The following CCDC102B variants were observed in gnomAD, a reference collection of about 807,000 sequenced individuals.
CCDC102B encodes the protein coiled-coil domain containing 102B, also known as coiled-coil domain-containing protein 102B.
CCDC102B carries 75 observed loss-of-function variants against 57.4 expected under a neutral mutation model. The ratio of observed to expected loss-of-function variants is 1.31; its 90% CI spans 1.08 to 1.58. The LOEUF (loss-of-function observed/expected upper bound fraction) is 1.58. Among genes scored for constraint, CCDC102B ranks in the 40% most tolerant of loss-of-function variants. The probability of loss-of-function intolerance (pLI) is 0.00; values close to 1 mark genes in which losing one functional copy is unlikely to be tolerated. For missense variants in CCDC102B, 636 were observed against 582.6 expected, an observed-to-expected ratio of 1.09 and a Z score of -0.94; for synonymous variants, 206 against 201.9, an observed-to-expected ratio of 1.02 and a Z score of -0.17.
intron 6 of CCDC102B, among the ~76,000 whole-genome samples, chr18:68,995,562 G>T (rs888270116): frequency 6.6e-6 from 1 of 152,124 alleles, no homozygotes; most frequent in African/African-American, 2.4e-5. Flanking sequence ...AGACTTGTCA[G>T]CTTCCACATG....
At chr18:68,961,873 C>T (rs927835338) in intron 6 of CCDC102B, among the ~76,000 whole-genome samples, 1 of 151,926 alleles carries the variant, frequency 6.6e-6, no homozygotes, top group Non-Finnish European at 1.5e-5. Context: ...AATCTACCTG[C>T]TTTTATATAT....
chr18:69,054,626 C>G lies in CCDC102B; in HGVS notation c.*489C>G, dbSNP rs2052784997. 1 of 979,656 alleles carries G rather than the reference C, an allele frequency of 1.0e-6. No individual in the cohort carries two copies. Among genetic ancestry groups the G allele is most frequent in the Non-Finnish European group, 1.2e-6 (1 of 824,918 alleles). 60.7% of individuals were successfully genotyped at this position (979,656 alleles called of 1,614,324 possible). On this transcript the variant is annotated 3_prime_UTR_variant, in exon 8 of 8. Coordinates refer to ENST00000360242, the MANE Select transcript of CCDC102B (RefSeq NM_024781.3). ...GAATCATTCTAGAGGTGTAACAATACATTTCTTATATAATTTTATAAGTCA... is the reference window on the plus strand; with the variant it reads ...GAATCATTCTAGAGGTGTAACAATAGATTTCTTATATAATTTTATAAGTCA...
chr18:68,846,234 C>G (rs1954878), intron 3 of CCDC102B, 79 bp from the exon 4 acceptor site: 768,993 of 780,338 alleles, frequency 0.99, 379,750 homozygotes, highest in East Asian at 1. Context: ...TAGGAAAATG[C>G]CTATAAAATT....
At chr18:69,052,011 A>G (rs186918686) in intron 7 of CCDC102B, among the ~76,000 whole-genome samples, 6 of 150,796 alleles carry the variant, frequency 4.0e-5, no homozygotes, top group African/African-American at 1.4e-4. Flanking sequence ...TATATTTCAT[A>G]ATTTAATAAA....
chr18:69,027,987 A>G (rs575466309), intron 7 of CCDC102B, among the ~76,000 whole-genome samples: 1 of 152,290 alleles, frequency 6.6e-6, no homozygotes, highest in African/African-American at 2.4e-5. Flanking sequence ...GTATAATAGT[A>G]ATAGAATAAT....
intron 2 of CCDC102B, among the ~76,000 whole-genome samples, chr18:68,771,545 G>A (rs1294538567): frequency 6.6e-6 from 1 of 152,098 alleles, no homozygotes; most frequent in Non-Finnish European, 1.5e-5. Flanking sequence ...TGCTCTCTGG[G>A]GTTTAGGTAA....
At chr18:69,037,921 A>C (rs538640658) in intron 7 of CCDC102B, among the ~76,000 whole-genome samples, 1 of 152,138 alleles carries the variant, frequency 6.6e-6, no homozygotes, top group Admixed American at 6.6e-5. Flanking sequence ...GAGAGATTGT[A>C]AAAGCCTTGA....
intron 7 of CCDC102B, among the ~76,000 whole-genome samples, chr18:69,034,447 A>G (rs1192540320): frequency 6.6e-6 from 1 of 151,974 alleles, no homozygotes; most frequent in African/African-American, 2.4e-5. Context: ...ATTCCAGAAC[A>G]ATTTGTTAAA....
intron 6 of CCDC102B, among the ~76,000 whole-genome samples, chr18:68,947,358 C>T (rs945286777): frequency 6.6e-6 from 1 of 151,992 alleles, no homozygotes; most frequent in Admixed American, 6.6e-5. Context: ...CTTATATTTG[C>T]AATATTCCCA....
chr18:68,911,706 C>G (rs550367015), intron 6 of CCDC102B, among the ~76,000 whole-genome samples: 58 of 121,284 alleles, frequency 4.8e-4, no homozygotes, highest in East Asian at 7.5e-4. Context: ...GAGCCGAGAT[C>G]GCGCCACTGC....
intron 6 of CCDC102B, among the ~76,000 whole-genome samples, chr18:68,903,913 C>G (rs1186330559): frequency 6.6e-6 from 1 of 152,170 alleles, no homozygotes; most frequent in Non-Finnish European, 1.5e-5. Flanking sequence ...GCATTAATGA[C>G]AGTAGTCAAT....
chr18:68,959,923 T>C (rs2050003088), intron 6 of CCDC102B, among the ~76,000 whole-genome samples: 1 of 152,020 alleles, frequency 6.6e-6, no homozygotes, highest in African/African-American at 2.4e-5. Context: ...GGTTCAGCAA[T>C]GCTGTCCAGG....
At chr18:68,832,306 G>A (rs935023472) in intron 1 of CCDC102B, among the ~76,000 whole-genome samples, 3 of 152,096 alleles carry the variant, frequency 2.0e-5, no homozygotes, top group Non-Finnish European at 4.4e-5. Flanking sequence ...ACTTTCCTAA[G>A]TACAGAGGGA....
At chr18:68,980,563 C>G (rs1445519427) in intron 6 of CCDC102B, among the ~76,000 whole-genome samples, 1 of 151,778 alleles carries the variant, frequency 6.6e-6, no homozygotes, top group East Asian at 1.9e-4. Flanking sequence ...ACAGAGGCAG[C>G]CTTGAGGGCA....
intron 7 of CCDC102B, among the ~76,000 whole-genome samples, chr18:69,044,964 T>C (rs1380152157): frequency 6.6e-6 from 1 of 152,118 alleles, no homozygotes; most frequent in Non-Finnish European, 1.5e-5. Context: ...GCCCCTTTTC[T>C]TGGTTTGCAG....
intron 3 of CCDC102B, among the ~76,000 whole-genome samples, chr18:68,845,455 G>A (rs1403421356): frequency 6.6e-6 from 1 of 151,660 alleles, no homozygotes. Flanking sequence ...TCAAATTTTT[G>A]TTTCTATCAT....
chr18:69,001,785 G>A (rs1214453721), intron 6 of CCDC102B, among the ~76,000 whole-genome samples: 1 of 152,192 alleles, frequency 6.6e-6, no homozygotes, highest in Non-Finnish European at 1.5e-5. Context: ...TGGATGAAAT[G>A]AGGAAAGGTG....
chr18:68,743,639 GGA>G (rs2033499290), intron 2 of CCDC102B, among the ~76,000 whole-genome samples: 1 of 152,136 alleles, frequency 6.6e-6, no homozygotes, highest in Non-Finnish European at 1.5e-5. Context: ...AAGCCTTGCA[GGA>G]GAATGCTCTA....
chr18:68,980,452 A>AT (rs1254275113), intron 6 of CCDC102B, among the ~76,000 whole-genome samples: 5 of 150,942 alleles, frequency 3.3e-5, no homozygotes, highest in African/African-American at 9.7e-5. Context: ...AGCAGTTTAT[A>AT]TTATAGGACA....
Sources: gnomAD v4.1 joint callset for allele counts (sites outside exome capture counted in the v4.1 genomes callset) on GRCh38, gnomAD v4.1.1 for gene constraint, MANE v1.5 for transcripts, NCBI Gene and HGNC (gene_info 2026-07-23, HGNC 2026-07-21) for gene names.